OTOP1: variants seen among roughly 807,000 people sequenced by gnomAD.
OTOP1 encodes proton channel OTOP1.
Under a neutral mutation model 52.9 loss-of-function variants are expected in OTOP1, and 59 were observed. That is an observed-to-expected ratio of 1.12 (90% confidence interval 0.91 to 1.39). The LOEUF (loss-of-function observed/expected upper bound fraction) is 1.39. Among genes scored for constraint, OTOP1 ranks in the 40% most tolerant of loss-of-function variants. The pLI is 0.00. For missense variants in OTOP1, 761 were observed against 800.9 expected (o/e 0.95, Z 0.60); for synonymous variants, 317 against 337.7 (o/e 0.94, Z 0.67).
intron 3 of OTOP1, among the ~76,000 whole-genome samples, chr4:4,205,162 TC>T (rs1716873886): frequency 6.6e-6 from 1 of 151,668 alleles, no homozygotes; most frequent in Admixed American, 6.6e-5. Context: ...ATCCTCACCA[TC>T]CCCTGGGAGG....
At chr4:4,193,208 G>A (rs113525924) in intron 5 of OTOP1, among the ~76,000 whole-genome samples, 3,141 of 152,104 alleles carry the variant, frequency 0.021, 122 homozygotes, top group African/African-American at 0.072. Flanking sequence ...CATATCCAGT[G>A]AGCCCTGCCT....
chr4:4,192,457 TG>T (rs1716533776), intron 5 of OTOP1, among the ~76,000 whole-genome samples: 1 of 152,232 alleles, frequency 6.6e-6, no homozygotes, highest in South Asian at 2.1e-4. Context: ...AAAACAGTCA[TG>T]CATGTTGCTT....
intron 2 of OTOP1, among the ~76,000 whole-genome samples, chr4:4,212,021 A>C (rs1252104791): frequency 1.3e-5 from 2 of 152,250 alleles, no homozygotes. Context: ...GATGACAGAC[A>C]TAAATATGCT....
intron 2 of OTOP1, among the ~76,000 whole-genome samples, chr4:4,208,234 T>C (rs1716952043): frequency 6.6e-6 from 1 of 152,200 alleles, no homozygotes; most frequent in African/African-American, 2.4e-5. Context: ...CCACAAGGAA[T>C]TTCCTAGTGG....
At chr4:4,196,251 T>G (rs1716621275) in intron 5 of OTOP1, among the ~76,000 whole-genome samples, 1 of 151,806 alleles carries the variant, frequency 6.6e-6, no homozygotes, top group African/African-American at 2.4e-5. Context: ...AGAACCTATC[T>G]CTACAAAAAA....
At chr4:4,219,457 T>C (rs993338866) in intron 1 of OTOP1, among the ~76,000 whole-genome samples, 1 of 152,022 alleles carries the variant, frequency 6.6e-6, no homozygotes, top group African/African-American at 2.4e-5. Context: ...ATCCCAGCAC[T>C]TTGGGAGGCC....
intron 4 of OTOP1, among the ~76,000 whole-genome samples, chr4:4,200,722 C>CGTTT (rs1716764354): frequency 2.8e-5 from 1 of 35,904 alleles, no homozygotes; most frequent in Non-Finnish European, 5.6e-5. Flanking sequence ...AGCATGCCTG[C>CGTTT]CTTTTTTTTT....
At chr4:4,225,157 G>A (rs1717399890) in intron 1 of OTOP1, among the ~76,000 whole-genome samples, 1 of 152,246 alleles carries the variant, frequency 6.6e-6, no homozygotes, top group South Asian at 2.1e-4. Flanking sequence ...CCTGGACCAC[G>A]TGGTGTGAAA....
intron 5 of OTOP1, among the ~76,000 whole-genome samples, chr4:4,196,694 C>A (rs1304058819): frequency 1.3e-5 from 2 of 152,100 alleles, no homozygotes; most frequent in East Asian, 3.9e-4. Context: ...TGCCACTGCA[C>A]TCCAGCCTGG....
intron 4 of OTOP1, among the ~76,000 whole-genome samples, chr4:4,200,168 T>A (rs1716749506): frequency 6.6e-6 from 1 of 152,208 alleles, no homozygotes; most frequent in African/African-American, 2.4e-5. Flanking sequence ...TTGTCATTGT[T>A]TTAGTTTATG....
At chr4:4,219,653 T>G (rs574486556) in intron 1 of OTOP1, among the ~76,000 whole-genome samples, 1 of 147,746 alleles carries the variant, frequency 6.8e-6, no homozygotes, top group Admixed American at 6.8e-5. Flanking sequence ...GCCAAGATCG[T>G]GCCACTGCAC....
chr4:4,198,133 G>A (rs757179262), intron 4 of OTOP1, 30 bp from the exon 5 acceptor site: 3 of 1,570,068 alleles, frequency 1.9e-6, no homozygotes, highest in South Asian at 1.1e-5. Context: ...CACACAGGAG[G>A]GCGATTAGCA....
At chr4:4,202,367 A>C (rs1022628597) in intron 4 of OTOP1, 81 bp downstream of exon 4, 7 of 1,589,396 alleles carry the variant, frequency 4.4e-6, no homozygotes, top group African/African-American at 1.3e-5. Flanking sequence ...CCTGCACTCC[A>C]TCTCTGAACT....
At position 4,202,852 on chromosome 4, in the gene OTOP1, G is replaced by A. The variant is rs566720178; in HGVS notation, c.600-274C>T. 7.9e-5 allele frequency among the ~76,000 whole-genome samples: 12 copies of A among 152,340 alleles called. No homozygotes were observed. The South Asian group carries it at 2.5e-3, about 32-fold the overall frequency. ...TAGGACATCAAAGAAGCTGGGTCTT[G>A]GAAGCAGAGCTAGAGGGATGAAAAT... On this transcript the variant is annotated intron_variant, in intron 3 of 5. Coordinates refer to ENST00000296358, the MANE Select transcript of OTOP1 (RefSeq NM_177998.3).
intron 1 of OTOP1, 122 bp downstream of exon 1, chr4:4,226,340 G>A: frequency 1.0e-6 from 1 of 998,106 alleles, no homozygotes; most frequent in Non-Finnish European, 1.4e-6. Flanking sequence ...AAGATGCACA[G>A]AGAGACCAAG....
At chr4:4,222,732 T>G (rs972260312) in intron 1 of OTOP1, among the ~76,000 whole-genome samples, 1 of 152,208 alleles carries the variant, frequency 6.6e-6, no homozygotes, top group African/African-American at 2.4e-5. Flanking sequence ...CCTATTGATC[T>G]AAGATTGTCA....
Position 4,197,613 on chromosome 4 carries a change from GC to G in OTOP1, c.1220del (p.Gly407AlafsTer99). ...CAGCACAGAGGATGGCCAAGATTGA[GC>G]CCCAGGAGATAAGCCAGGAGCCCGA... ...TASGSWLISW[G>X]SILAILCAEG... is the part of the protein sequence containing the mutation. On this transcript the variant is annotated frameshift_variant, in exon 5 of 6. Coordinates refer to ENST00000296358, the MANE Select transcript of OTOP1 (RefSeq NM_177998.3). LOFTEE classifies it high-confidence loss of function. The G allele has an allele frequency of 1.2e-6, 2 of 1,614,004 alleles. No individual in the cohort carries two copies. The highest frequency in any genetic ancestry group is 1.7e-6 in the Non-Finnish European group (2 of 1,180,004).
At chr4:4,219,169 C>T (rs779880291) in intron 1 of OTOP1, among the ~76,000 whole-genome samples, 5 of 152,082 alleles carry the variant, frequency 3.3e-5, no homozygotes, top group African/African-American at 4.8e-5. Flanking sequence ...GATGTAAATC[C>T]TCCCACTAAG....
chr4:4,191,685 C>A (rs1308390956), intron 5 of OTOP1, among the ~76,000 whole-genome samples: 1 of 152,206 alleles, frequency 6.6e-6, no homozygotes, highest in African/African-American at 2.4e-5. Flanking sequence ...CAATGGCTGC[C>A]CAAGAGCTAT....
Sources: gnomAD v4.1 joint callset for allele counts (sites outside exome capture counted in the v4.1 genomes callset) on GRCh38, gnomAD v4.1.1 for gene constraint, MANE v1.5 for transcripts, NCBI Gene and HGNC (gene_info 2026-07-23, HGNC 2026-07-21) for gene names.